SLC4A4: variants seen among roughly 807,000 people sequenced by gnomAD.
SLC4A4 encodes solute carrier family 4 member 4.
In SLC4A4, 27 loss-of-function variants were observed where a neutral mutation model predicts 111.5. The ratio of observed to expected loss-of-function variants is 0.24; its 90% CI spans 0.18 to 0.33. The LOEUF is 0.33. Among genes scored for constraint, SLC4A4 ranks in the 10% least tolerant of loss-of-function variants. The pLI, the probability that SLC4A4 is intolerant of heterozygous loss-of-function variation, is 1.00. For synonymous variants in SLC4A4, 443 were observed against 463.4 expected (o/e 0.96, Z 0.57); for missense variants, 909 against 1,315.5 (o/e 0.69, Z 4.78).
At chr4:71,459,328 C>T (rs1726590714) in intron 12 of SLC4A4, among the ~76,000 whole-genome samples, 1 of 151,692 alleles carries the variant, frequency 6.6e-6, no homozygotes, top group African/African-American at 2.4e-5. Context: ...TAGAAAATTC[C>T]AAAAATCCAA....
At chr4:71,392,042 A>G (rs957616756) in intron 6 of SLC4A4, among the ~76,000 whole-genome samples, 3 of 152,116 alleles carry the variant, frequency 2.0e-5, no homozygotes, top group East Asian at 1.9e-4. Context: ...TGTCAGATGT[A>G]AAATATTCAC....
chr4:71,325,315 C>T (rs1727420900), intron 3 of SLC4A4, among the ~76,000 whole-genome samples: 1 of 151,842 alleles, frequency 6.6e-6, no homozygotes, highest in African/African-American at 2.4e-5. Flanking sequence ...CTACTTTAAC[C>T]TGTTAAAATG....
At chr4:71,537,973 T>C (rs1734708390) in intron 18 of SLC4A4, among the ~76,000 whole-genome samples, 1 of 152,172 alleles carries the variant, frequency 6.6e-6, no homozygotes, top group Admixed American at 6.6e-5. Flanking sequence ...TGTTCCTCTT[T>C]CTAGTGGATG....
At chr4:71,442,949 C>G (rs1464807231) in intron 8 of SLC4A4, among the ~76,000 whole-genome samples, 1 of 151,490 alleles carries the variant, frequency 6.6e-6, no homozygotes, top group Non-Finnish European at 1.5e-5. Context: ...AGGGGCCCCT[C>G]TTGCCATTCA....
intron 16 of SLC4A4, among the ~76,000 whole-genome samples, chr4:71,518,534 G>A (rs1732622668): frequency 2.0e-5 from 3 of 151,948 alleles, no homozygotes; most frequent in Admixed American, 6.5e-5. Flanking sequence ...GGGTGGGCCT[G>A]GAGCCTGAGG....
At chr4:71,257,882 A>G (rs149202420) in intron 3 of SLC4A4, among the ~76,000 whole-genome samples, 63 of 152,316 alleles carry the variant, frequency 4.1e-4, no homozygotes, top group Admixed American at 7.2e-4. Context: ...CAATCCTTCA[A>G]TGATTTCTGT....
chr4:71,284,737 G>A (rs992629199), intron 3 of SLC4A4, among the ~76,000 whole-genome samples: 3 of 152,096 alleles, frequency 2.0e-5, no homozygotes, highest in African/African-American at 7.2e-5. Context: ...GAACTCACCT[G>A]TGCACCTTGG....
chr4:71,295,336 G>A (rs1724702627), intron 3 of SLC4A4, among the ~76,000 whole-genome samples: 1 of 152,150 alleles, frequency 6.6e-6, no homozygotes, highest in Admixed American at 6.5e-5. Flanking sequence ...AGACCCTGGA[G>A]CTGCAAACCC....
intron 3 of SLC4A4, among the ~76,000 whole-genome samples, chr4:71,333,536 G>C (rs1728186956): frequency 6.6e-6 from 1 of 152,160 alleles, no homozygotes; most frequent in African/African-American, 2.4e-5. Context: ...CCATTGTTTG[G>C]CTACCACCAA....
chr4:71,266,097 G>T (rs1250861608), intron 3 of SLC4A4, among the ~76,000 whole-genome samples: 2 of 152,178 alleles, frequency 1.3e-5, no homozygotes, highest in Non-Finnish European at 2.9e-5. Flanking sequence ...ATGCTACCCT[G>T]AGCGTCCACA....
chr4:71,475,319 G>A (rs1423957105), intron 14 of SLC4A4, among the ~76,000 whole-genome samples: 1 of 151,822 alleles, frequency 6.6e-6, no homozygotes, highest in Non-Finnish European at 1.5e-5. Flanking sequence ...GGCAGAGAAG[G>A]TAACATGAAA....
intron 1 of SLC4A4, among the ~76,000 whole-genome samples, chr4:71,197,421 G>A (rs1456065245): frequency 1.3e-5 from 2 of 152,118 alleles, no homozygotes; most frequent in African/African-American, 4.8e-5. Context: ...ATTTTGATAT[G>A]ACTGTATTTG....
chr4:71,494,999 A>G (rs1331922825), intron 15 of SLC4A4, among the ~76,000 whole-genome samples: 1 of 152,096 alleles, frequency 6.6e-6, no homozygotes, highest in African/African-American at 2.4e-5. Flanking sequence ...GAAACTTTGT[A>G]TTCTGAAATG....
At chr4:71,231,920 G>A (rs1719454537) in intron 1 of SLC4A4, among the ~76,000 whole-genome samples, 1 of 152,164 alleles carries the variant, frequency 6.6e-6, no homozygotes, top group Non-Finnish European at 1.5e-5. Flanking sequence ...ACTGCTGAGA[G>A]GATTTGCGGT....
At chr4:71,510,914 T>C (rs943457495) in intron 16 of SLC4A4, among the ~76,000 whole-genome samples, 32 of 152,126 alleles carry the variant, frequency 2.1e-4, no homozygotes, top group Middle Eastern at 3.2e-3. Flanking sequence ...CCATGAGGCT[T>C]ACATAAAACA....
At chr4:71,287,732 G>A (rs573779452) in intron 3 of SLC4A4, among the ~76,000 whole-genome samples, 2 of 152,224 alleles carry the variant, frequency 1.3e-5, no homozygotes, top group African/African-American at 4.8e-5. Context: ...TTTTGATTCT[G>A]GTGGTTCTGG....
chr4:71,284,289 C>G (rs1038493785), intron 3 of SLC4A4, among the ~76,000 whole-genome samples: 1 of 152,216 alleles, frequency 6.6e-6, no homozygotes, highest in Non-Finnish European at 1.5e-5. Flanking sequence ...CAGCTAATCT[C>G]TCTGTCACCA....
intron 1 of SLC4A4, among the ~76,000 whole-genome samples, chr4:71,086,663 C>T (rs1438796377): frequency 6.6e-6 from 1 of 151,912 alleles, no homozygotes; most frequent in Admixed American, 6.6e-5. Context: ...TTGAGATAAT[C>T]GTATGGTTTT....
intron 16 of SLC4A4, among the ~76,000 whole-genome samples, chr4:71,523,439 T>G (rs1323116387): frequency 6.6e-6 from 1 of 152,196 alleles, no homozygotes. Context: ...TACAAATACT[T>G]CAGTTCTTAC....
Sources: allele counts gnomAD v4.1 joint callset (sites outside exome capture counted in the v4.1 genomes callset), GRCh38; gene constraint gnomAD v4.1.1; transcripts MANE v1.5; gene names NCBI Gene and HGNC (gene_info 2026-07-23, HGNC 2026-07-21).